TENM3: variants seen among roughly 807,000 people sequenced by gnomAD.
TENM3 encodes teneurin transmembrane protein 3, also known as teneurin-3.
A neutral mutation model predicts 255.1 loss-of-function variants in TENM3; 63 were observed. The observed-to-expected ratio is 0.25, with a 90% CI of 0.20 to 0.30. The LOEUF is 0.30. TENM3 is among the 10% of genes least tolerant of loss of function. The pLI is 1.00. For synonymous variants in TENM3, 1,306 were observed against 1,322.3 expected (o/e 0.99, Z 0.27); for missense variants, 2,929 against 3,461.1 (o/e 0.85, Z 3.86).
At chr4:182,264,770 A>G (rs1023524860) in intron 1 of TENM3, among the ~76,000 whole-genome samples, 3 of 152,228 alleles carry the variant, frequency 2.0e-5, no homozygotes, top group African/African-American at 7.2e-5. Context: ...GCCACTTGGC[A>G]TGGCTAAAGT....
intron 3 of TENM3, among the ~76,000 whole-genome samples, chr4:182,392,570 G>A (rs1768507595): frequency 6.6e-6 from 1 of 152,200 alleles, no homozygotes. Flanking sequence ...GACTGGGGAG[G>A]AGAGATGAGG....
chr4:181,475,288 C>G, the TENM3 span, among the ~76,000 whole-genome samples: 2 of 152,150 alleles, frequency 1.3e-5, no homozygotes, highest in African/African-American at 4.8e-5. Context: ...CAAATAAATC[C>G]ACTGTCTCCG....
At chr4:181,611,156 G>A in the TENM3 span, among the ~76,000 whole-genome samples, 704 of 152,268 alleles carry the variant, frequency 4.6e-3, 1 homozygote, top group Middle Eastern at 0.01. Flanking sequence ...ACACCTAAGC[G>A]TCATAGCTGC....
At chr4:181,501,847 C>G in the TENM3 span, among the ~76,000 whole-genome samples, 1 of 152,196 alleles carries the variant, frequency 6.6e-6, no homozygotes. Flanking sequence ...GCTATAGAGT[C>G]TGAGGACATA....
chr4:181,615,079 C>A, the TENM3 span, among the ~76,000 whole-genome samples: 1 of 152,264 alleles, frequency 6.6e-6, no homozygotes, highest in East Asian at 1.9e-4. Flanking sequence ...CCAGGCTGAT[C>A]ACTGTTCATC....
chr4:181,648,538 G>A, the TENM3 span, among the ~76,000 whole-genome samples: 1 of 152,190 alleles, frequency 6.6e-6, no homozygotes, highest in Non-Finnish European at 1.5e-5. Flanking sequence ...TCTCGAGTGA[G>A]CAAGAAACTG....
intron 1 of TENM3, among the ~76,000 whole-genome samples, chr4:182,164,075 G>C (rs936372800): frequency 1.4e-4 from 22 of 152,182 alleles, no homozygotes; most frequent in Admixed American, 1.0e-3. Context: ...GAGAGTGACA[G>C]TGAGCACCAA....
intron 5 of TENM3, among the ~76,000 whole-genome samples, chr4:182,631,899 G>A (rs6841261): frequency 0.72 from 110,095 of 152,122 alleles, 39,897 homozygotes; most frequent in African/African-American, 0.76. Context: ...AAGGTAAGTT[G>A]TCTCAGGATA....
At chr4:182,256,055 G>A (rs1028815349) in intron 1 of TENM3, among the ~76,000 whole-genome samples, 3 of 152,068 alleles carry the variant, frequency 2.0e-5, no homozygotes, top group Admixed American at 1.3e-4. Flanking sequence ...CTCTGCCAAG[G>A]GCCCTGCCCA....
the TENM3 span, among the ~76,000 whole-genome samples, chr4:181,837,570 G>A: frequency 6.6e-6 from 1 of 152,108 alleles, no homozygotes; most frequent in African/African-American, 2.4e-5. Context: ...AGCAATCATT[G>A]CTGCATGTCC....
the TENM3 span, among the ~76,000 whole-genome samples, chr4:181,817,859 C>T: frequency 6.6e-6 from 1 of 152,194 alleles, no homozygotes; most frequent in African/African-American, 2.4e-5. Flanking sequence ...GTAAATTACT[C>T]AGTCTGCTGT....
At chr4:181,499,467 T>C in the TENM3 span, among the ~76,000 whole-genome samples, 740 of 152,320 alleles carry the variant, frequency 4.9e-3, 6 homozygotes, top group African/African-American at 0.017. Flanking sequence ...ATCGTTGTTA[T>C]CTTGAACAAG....
intron 3 of TENM3, among the ~76,000 whole-genome samples, chr4:182,377,855 C>T (rs1561382903): frequency 6.6e-6 from 1 of 152,038 alleles, no homozygotes; most frequent in Non-Finnish European, 1.5e-5. Context: ...ATCACAACAG[C>T]AAAGTTTGAG....
At chr4:182,389,083 C>A (rs1296280162) in intron 3 of TENM3, among the ~76,000 whole-genome samples, 1 of 152,212 alleles carries the variant, frequency 6.6e-6, no homozygotes, top group African/African-American at 2.4e-5. Flanking sequence ...ATGCTGTTCT[C>A]AATACATCCC....
intron 14 of TENM3, 126 bp downstream of exon 14, chr4:182,729,307 T>G (rs1372254002): frequency 1.3e-6 from 1 of 798,234 alleles, no homozygotes; most frequent in Admixed American, 2.8e-5. Flanking sequence ...TTTTCCTCTT[T>G]CTGCAGATTC....
chr4:181,962,859 T>C, the TENM3 span, among the ~76,000 whole-genome samples: 1 of 152,118 alleles, frequency 6.6e-6, no homozygotes, highest in Non-Finnish European at 1.5e-5. Flanking sequence ...GGAAGTGAAA[T>C]AAAATTAAAT....
At chr4:182,718,876 A>G (rs964455856) in intron 13 of TENM3, among the ~76,000 whole-genome samples, 2 of 152,220 alleles carry the variant, frequency 1.3e-5, no homozygotes, top group Non-Finnish European at 2.9e-5. Context: ...TGGTCTCACT[A>G]TGCAAGCACC....
At chr4:182,409,969 A>G (rs898524867) in intron 3 of TENM3, among the ~76,000 whole-genome samples, 13 of 151,964 alleles carry the variant, frequency 8.6e-5, no homozygotes, top group African/African-American at 3.1e-4. Flanking sequence ...GACTGGCTGC[A>G]GAGTAGCCAT....
chr4:182,334,013 C>T (rs1010309116), intron 2 of TENM3, among the ~76,000 whole-genome samples: 3 of 152,116 alleles, frequency 2.0e-5, no homozygotes, highest in Non-Finnish European at 4.4e-5. Context: ...GGCCAAGGAA[C>T]TTTTTTGGAC....
Sources: gnomAD v4.1 joint callset for allele counts (sites outside exome capture counted in the v4.1 genomes callset) on GRCh38, gnomAD v4.1.1 for gene constraint, MANE v1.5 for transcripts, NCBI Gene and HGNC (gene_info 2026-07-23, HGNC 2026-07-21) for gene names.